Variants in FNDC1 observed in about 807,000 individuals in gnomAD.
FNDC1 encodes the protein fibronectin type III domain-containing protein 1.
FNDC1 carries 96 observed loss-of-function variants against 168.0 expected under a neutral mutation model. That is an observed-to-expected ratio of 0.57 (90% CI 0.48 to 0.68). FNDC1 has a LOEUF of 0.68. FNDC1 is among the 30% of genes least tolerant of loss of function. The pLI, the probability that FNDC1 is intolerant of heterozygous loss-of-function variation, is 0.00. For synonymous variants in FNDC1, 1,099 were observed against 1,025.9 expected, an observed-to-expected ratio of 1.07 and a Z score of -1.36; for missense variants, 2,587 against 2,482.1, an observed-to-expected ratio of 1.04 and a Z score of -0.90.
At chr6:159,205,500 G>A (rs1782468686) in intron 4 of FNDC1, among the ~76,000 whole-genome samples, 1 of 152,162 alleles carries the variant, frequency 6.6e-6, no homozygotes, top group South Asian at 2.1e-4. Context: ...TCTCGACACT[G>A]TTCACCTCTG....
intron 1 of FNDC1, among the ~76,000 whole-genome samples, chr6:159,171,360 T>A (rs1181007970): frequency 6.6e-6 from 1 of 152,230 alleles, no homozygotes; most frequent in Non-Finnish European, 1.5e-5. Flanking sequence ...CATAGCAACC[T>A]GTAGATAGCT....
intron 9 of FNDC1, among the ~76,000 whole-genome samples, chr6:159,228,477 T>A (rs1419458316): frequency 6.6e-6 from 1 of 152,202 alleles, no homozygotes; most frequent in Non-Finnish European, 1.5e-5. Flanking sequence ...ACAAGTTTGT[T>A]GATTTTCAAT....
Position 159,267,802 on chromosome 6 carries a change from A to C in FNDC1, c.5447-2A>C. The C allele has an allele frequency of 6.2e-7, 1 of 1,613,772 alleles. No homozygotes were observed. Among genetic ancestry groups the C allele is most frequent in the East Asian group, 2.2e-5 (1 of 44,870 alleles). On this transcript the variant is annotated splice_acceptor_variant, in intron 21 of 22. Transcript: ENST00000297267. LOFTEE classifies it high-confidence loss of function. ...ATGGACTCAATCAATTCCTTCATGC[A>C]GATACATTCTACAGCATTGGAGACA... is the stretch of plus-strand genomic sequence containing the variant.
intron 17 of FNDC1, among the ~76,000 whole-genome samples, chr6:159,252,199 T>C (rs892046857): frequency 6.6e-6 from 1 of 152,106 alleles, no homozygotes; most frequent in African/African-American, 2.4e-5. Context: ...AGAGAATTGA[T>C]ATTTTCTGTG....
intron 19 of FNDC1, among the ~76,000 whole-genome samples, chr6:159,262,874 T>C (rs1429450255): frequency 6.6e-6 from 1 of 152,188 alleles, no homozygotes; most frequent in Non-Finnish European, 1.5e-5. Context: ...CACATGAAAA[T>C]TGGACAATTA....
intron 5 of FNDC1, among the ~76,000 whole-genome samples, chr6:159,216,652 C>T (rs1424176213): frequency 6.6e-6 from 1 of 152,188 alleles, no homozygotes; most frequent in Admixed American, 6.5e-5. Context: ...TCATCTCTGC[C>T]CCTCGTGGGG....
At chr6:159,193,726 G>A (rs147450422) in intron 1 of FNDC1, among the ~76,000 whole-genome samples, 498 of 152,324 alleles carry the variant, frequency 3.3e-3, no homozygotes, top group Non-Finnish European at 5.7e-3. Flanking sequence ...CTATCTAAGA[G>A]CAGTCATGGA....
intron 9 of FNDC1, among the ~76,000 whole-genome samples, chr6:159,228,040 T>C (rs1782991240): frequency 6.6e-6 from 1 of 152,222 alleles, no homozygotes; most frequent in Non-Finnish European, 1.5e-5. Context: ...AAAGACTTTT[T>C]TTTTGCTAAC....
At chr6:159,223,884 A>G (rs1242771464) in intron 7 of FNDC1, among the ~76,000 whole-genome samples, 1 of 152,242 alleles carries the variant, frequency 6.6e-6, no homozygotes, top group African/African-American at 2.4e-5. Context: ...AGGAATTCAC[A>G]TCTCACTTGC....
At chr6:159,174,080 T>A (rs528932625) in intron 1 of FNDC1, among the ~76,000 whole-genome samples, 1 of 152,282 alleles carries the variant, frequency 6.6e-6, no homozygotes, top group East Asian at 1.9e-4. Flanking sequence ...ATTATTTCAG[T>A]TAAAAAATAG....
intron 1 of FNDC1, among the ~76,000 whole-genome samples, chr6:159,175,808 C>A (rs924642662): frequency 6.6e-6 from 1 of 152,178 alleles, no homozygotes; most frequent in East Asian, 1.9e-4. Context: ...TGATCTTTAC[C>A]GTGGAAATCA....
intron 18 of FNDC1, among the ~76,000 whole-genome samples, chr6:159,260,322 C>T (rs1177895200): frequency 2.0e-5 from 3 of 152,196 alleles, no homozygotes; most frequent in African/African-American, 7.2e-5. Context: ...TCTCTAACCA[C>T]CATTCTTTTT....
intron 4 of FNDC1, among the ~76,000 whole-genome samples, chr6:159,213,710 A>G (rs1782653803): frequency 6.6e-6 from 1 of 152,214 alleles, no homozygotes; most frequent in Admixed American, 6.5e-5. Flanking sequence ...ACAAAAAAAA[A>G]AAAACCTTTA....
Position 159,234,886 on chromosome 6 carries a change from G to A in FNDC1, c.3967+407G>A, listed in dbSNP as rs1699442. Among the ~76,000 whole-genome samples, 313 of 152,298 alleles carry A rather than the reference G, an allele frequency of 2.1e-3. 3 individuals carry two copies. The highest frequency in any genetic ancestry group is 6.3e-4 in the Non-Finnish European group (43 of 68,036). On this transcript the variant is annotated intron_variant, in intron 11 of 22. Coordinates refer to ENST00000297267, the MANE Select transcript of FNDC1 (RefSeq NM_032532.3). ...GTCACAACCATGATGCCCAACTCAG[G>A]TTCTTCTTAGTTGTTCAAGTGCCGC... is the stretch of plus-strand genomic sequence containing the variant.
At position 159,233,182 on chromosome 6, in the gene FNDC1, C is replaced by T. The variant is rs370290230; in HGVS notation, c.2670C>T (p.Val890=). The T allele has an allele frequency of 3.2e-3, 5,173 of 1,610,964 alleles. 14 individuals carry two copies. Among genetic ancestry groups the T allele is most frequent in the Non-Finnish European group, 4.1e-3 (4,802 of 1,178,848 alleles). Residue 890 remains valine, a synonymous_variant, in exon 11 of 23, where the codon GTC becomes GTT. Transcript: ENST00000297267. This position sits in a 1 kb window ranked among gnomAD's most constrained non-coding sequence, Gnocchi z 4.6. ...EDEKPLPATV[V]NDHVPSSSRQ... ...AGAAGCCGCTTCCTGCCACCGTTGTCAATGACCACGTGCCTTCCTCCTCCA... is the reference window on the plus strand; with the variant it reads ...AGAAGCCGCTTCCTGCCACCGTTGTTAATGACCACGTGCCTTCCTCCTCCA...
intron 1 of FNDC1, among the ~76,000 whole-genome samples, chr6:159,186,607 G>A (rs906695733): frequency 6.6e-6 from 1 of 152,258 alleles, no homozygotes. Context: ...CTCCCAGGCA[G>A]AGCCCAGAGA....
chr6:159,227,941 TTAAA>T (rs1782987613), intron 9 of FNDC1, among the ~76,000 whole-genome samples: 1 of 152,260 alleles, frequency 6.6e-6, no homozygotes, highest in African/African-American at 2.4e-5. Context: ...ACAGCTTGCT[TTAAA>T]TCATTCTTTT....
chr6:159,248,547 G>A (rs531206997), intron 15 of FNDC1, among the ~76,000 whole-genome samples: 28 of 152,140 alleles, frequency 1.8e-4, no homozygotes, highest in African/African-American at 5.5e-4. Context: ...CTTGTGATCC[G>A]CCTGCCTCGG....
chr6:159,256,707 G>T, intron 18 of FNDC1, 76 bp downstream of exon 18: 1 of 1,096,980 alleles, frequency 9.1e-7, no homozygotes, highest in South Asian at 1.3e-5. Context: ...GGAAATGAAG[G>T]GAGGAATCAA....
Sources: gnomAD v4.1 joint callset for allele counts (sites outside exome capture counted in the v4.1 genomes callset) on GRCh38, gnomAD v4.1.1 for gene constraint, Gnocchi (gnomAD v3.1) non-coding constraint, MANE v1.5 for transcripts, NCBI Gene and HGNC (gene_info 2026-07-23, HGNC 2026-07-21) for gene names.